FGF10: variants seen among roughly 807,000 people sequenced by gnomAD.
FGF10 encodes the protein FGF-10.
Under a neutral mutation model 19.8 loss-of-function variants are expected in FGF10, and 2 were observed. The observed-to-expected ratio is 0.10, with a 90% CI of 0.04 to 0.32. The LOEUF (loss-of-function observed/expected upper bound fraction) is 0.32. Ranked by LOEUF, FGF10 falls within the 10% of genes least tolerant of loss-of-function variation. FGF10 has a pLI of 1.00. For synonymous variants in FGF10, 112 were observed against 94.0 expected (o/e 1.19, Z -1.10); for missense variants, 191 against 246.3 (o/e 0.78, Z 1.50).
In FGF10 at chr5:44,300,709, C is replaced by A. The variant is rs1240010608; in HGVS notation, c.*4286G>T. Among the ~76,000 whole-genome samples, 1 of 151,982 alleles carries A rather than the reference C, an allele frequency of 6.6e-6. No individual in the cohort carries two copies. Among genetic ancestry groups the A allele is most frequent in the East Asian group, 1.9e-4 (1 of 5,156 alleles). ...AACCATTTGGTTTTTGCACCTGCAG[C>A]ACTGCTGTCTCCTTGGTGTACTCTT... On this transcript the variant is annotated 3_prime_UTR_variant, in exon 3 of 3. Coordinates refer to ENST00000264664, the MANE Select transcript of FGF10 (RefSeq NM_004465.2).
intron 1 of FGF10, among the ~76,000 whole-genome samples, chr5:44,347,675 A>G (rs1325233803): frequency 6.6e-6 from 1 of 151,584 alleles, no homozygotes; most frequent in Non-Finnish European, 1.5e-5. Flanking sequence ...GACAGCATGG[A>G]CTGACCTACT....
chr5:44,312,223 T>C (rs1307940456), intron 1 of FGF10, among the ~76,000 whole-genome samples: 1 of 151,398 alleles, frequency 6.6e-6, no homozygotes, highest in Non-Finnish European at 1.5e-5. Context: ...CACACGCACA[T>C]TTATTTGCAT....
chr5:44,335,283 C>T (rs1170592290), intron 1 of FGF10, among the ~76,000 whole-genome samples: 1 of 151,952 alleles, frequency 6.6e-6, no homozygotes, highest in African/African-American at 2.4e-5. Flanking sequence ...ACCTACTCTC[C>T]CTTCCCTTCC....
rs1024313089 is a variant in FGF10 at position 44,303,426 on chromosome 5, C to T, written c.*1569G>A. The T allele has an allele frequency of 6.6e-6, 1 of 151,688 alleles. No homozygotes were observed. The highest frequency in any genetic ancestry group is 2.4e-5 in the African/African-American group (1 of 41,326). The allele number at this position is 151,688 out of a possible 1,614,324, so 9.4% of individuals were successfully genotyped here. A position where few individuals can be genotyped will look rare whatever the true frequency, so the allele number is the denominator to read the frequency against. On this transcript the variant is annotated 3_prime_UTR_variant, in exon 3 of 3. Transcript: ENST00000264664. ...CAAACAATAAAATGCTTTTTCAAAA[C>T]AAGAAATATGAAGATAAAACTGCAG...
At chr5:44,356,877 C>A (rs1323547003) in intron 1 of FGF10, among the ~76,000 whole-genome samples, 1 of 151,188 alleles carries the variant, frequency 6.6e-6, no homozygotes, top group African/African-American at 2.4e-5. Context: ...TACCCAACTG[C>A]CATTCTGAAG....
At chr5:44,326,501 C>T (rs900443237) in intron 1 of FGF10, among the ~76,000 whole-genome samples, 3 of 152,000 alleles carry the variant, frequency 2.0e-5, no homozygotes, top group Non-Finnish European at 4.4e-5. Context: ...CAGGCTCAAG[C>T]GATCCTCCCA....
intron 1 of FGF10, among the ~76,000 whole-genome samples, chr5:44,369,684 A>T (rs551963117): frequency 2.6e-5 from 4 of 152,244 alleles, no homozygotes; most frequent in Admixed American, 2.0e-4. Context: ...GTGAGCTGAA[A>T]ACTGACCTAA....
chr5:44,324,130 T>G (rs1367800251), intron 1 of FGF10, among the ~76,000 whole-genome samples: 6 of 152,104 alleles, frequency 3.9e-5, no homozygotes, highest in Non-Finnish European at 7.4e-5. Flanking sequence ...TTAAAACTAC[T>G]ATGTACTTGA....
intron 1 of FGF10, among the ~76,000 whole-genome samples, chr5:44,357,566 G>C (rs185079569): frequency 4.9e-4 from 75 of 151,568 alleles, no homozygotes; most frequent in Non-Finnish European, 9.2e-4. Flanking sequence ...ATTTTACTGA[G>C]AGGTAATAGG....
Position 44,376,509 on chromosome 5 carries a change from AAAAAAAAAC to A in FGF10, c.325+11840_325+11848del, listed in dbSNP as rs1490804109. On this transcript the variant is annotated intron_variant, in intron 1 of 2. Coordinates refer to ENST00000264664, the MANE Select transcript of FGF10 (RefSeq NM_004465.2). The stretch of plus-strand genomic sequence containing the variant: ...AAATGCCAAAAAAAAAAAAAAAAAA[AAAAAAAAAC>A]AAAAAACCCACAACTAGAGCAAGAA... Among the ~76,000 whole-genome samples, 294 of 141,796 alleles carry A rather than the reference AAAAAAAAAC, an allele frequency of 2.1e-3. 6 individuals carry two copies. The highest frequency in any genetic ancestry group is 5.9e-3 in the African/African-American group (223 of 37,874). The allele number at this position is 141,796 out of a possible 152,430, so 93.0% of individuals were successfully genotyped here.
At chr5:44,320,230 C>G (rs1377919472) in intron 1 of FGF10, among the ~76,000 whole-genome samples, 4 of 152,146 alleles carry the variant, frequency 2.6e-5, no homozygotes, top group Admixed American at 2.6e-4. Context: ...CTTACAGACT[C>G]ATATCAAAAC....
Position 44,300,618 on chromosome 5 carries a change from T to C in FGF10, c.*4377A>G, listed in dbSNP as rs1739948921. On this transcript the variant is annotated 3_prime_UTR_variant, in exon 3 of 3. Transcript: ENST00000264664. ...CAAACAGGTGAAGAATAATTGGAATTGGTGGGAAATATAGGAATAGAAAAT... is the reference window on the plus strand; with the variant it reads ...CAAACAGGTGAAGAATAATTGGAATCGGTGGGAAATATAGGAATAGAAAAT... 6.6e-6 allele frequency among the ~76,000 whole-genome samples: 1 copy of C among 152,158 alleles called. No individual in the cohort carries two copies. The highest frequency in any genetic ancestry group is 2.4e-5 in the African/African-American group (1 of 41,446).
chr5:44,379,900 TA>T (rs1318427756), intron 1 of FGF10, among the ~76,000 whole-genome samples: 2 of 152,200 alleles, frequency 1.3e-5, no homozygotes, highest in Non-Finnish European at 2.9e-5. Context: ...CTCTGGCTTC[TA>T]AAAAATTTCA....
chr5:44,323,605 A>G (rs1740545950), intron 1 of FGF10, among the ~76,000 whole-genome samples: 1 of 152,152 alleles, frequency 6.6e-6, no homozygotes, highest in Non-Finnish European at 1.5e-5. Context: ...AATGTGGGAA[A>G]TGGATTGTTA....
chr5:44,350,330 G>T (rs1375291568), intron 1 of FGF10, among the ~76,000 whole-genome samples: 1 of 150,778 alleles, frequency 6.6e-6, no homozygotes, highest in Non-Finnish European at 1.5e-5. Flanking sequence ...AGGATAAAAT[G>T]TACTGTATAC....
intron 1 of FGF10, among the ~76,000 whole-genome samples, chr5:44,336,251 A>G (rs17234219): frequency 0.012 from 1,774 of 152,184 alleles, 36 homozygotes; most frequent in African/African-American, 0.04. Flanking sequence ...TACTCAAAAT[A>G]TATAATTTTT....
At chr5:44,348,940 T>G (rs984940104) in intron 1 of FGF10, among the ~76,000 whole-genome samples, 1 of 151,482 alleles carries the variant, frequency 6.6e-6, no homozygotes, top group Non-Finnish European at 1.5e-5. Flanking sequence ...TTTCTATGAC[T>G]CTTCTTCCTT....
intron 1 of FGF10, among the ~76,000 whole-genome samples, chr5:44,331,122 G>T (rs1326311268): frequency 6.6e-6 from 1 of 152,080 alleles, no homozygotes; most frequent in African/African-American, 2.4e-5. Flanking sequence ...TGAAGACATA[G>T]TTCTGAAAAA....
At chr5:44,308,689 A>G (rs1320004532) in intron 2 of FGF10, among the ~76,000 whole-genome samples, 1 of 152,104 alleles carries the variant, frequency 6.6e-6, no homozygotes, top group African/African-American at 2.4e-5. Context: ...TCTGACCCCC[A>G]TGCAAAAAAA....
Sources: gnomAD v4.1 joint callset for allele counts (sites outside exome capture counted in the v4.1 genomes callset) on GRCh38, gnomAD v4.1.1 for gene constraint, MANE v1.5 for transcripts, NCBI Gene and HGNC (gene_info 2026-07-23, HGNC 2026-07-21) for gene names.